NAF1: variants seen among roughly 807,000 people sequenced by gnomAD.
NAF1 encodes H/ACA ribonucleoprotein complex non-core subunit NAF1.
In NAF1, 11 loss-of-function variants were observed where a neutral mutation model predicts 40.6. The observed-to-expected ratio is 0.27, with a 90% CI of 0.17 to 0.45. NAF1 has a LOEUF of 0.45. Ranked by LOEUF, NAF1 falls within the 20% of genes least tolerant of loss-of-function variation. The pLI, the probability that NAF1 is intolerant of heterozygous loss-of-function variation, is 1.00. For missense variants in NAF1, 607 were observed against 611.1 expected (o/e 0.99, Z 0.07); for synonymous variants, 260 against 228.5 (o/e 1.14, Z -1.24).
chr4:163,163,070 A>G (rs1403815322), intron 2 of NAF1, among the ~76,000 whole-genome samples: 1 of 152,222 alleles, frequency 6.6e-6, no homozygotes, highest in Non-Finnish European at 1.5e-5. Flanking sequence ...TCGTTATTAT[A>G]TTCTAATAAG....
intron 2 of NAF1, among the ~76,000 whole-genome samples, chr4:163,148,996 C>A (rs956299431): frequency 6.6e-6 from 1 of 152,100 alleles, no homozygotes; most frequent in African/African-American, 2.4e-5. Context: ...AGAATATAGG[C>A]TTTAGCCTAT....
At chr4:163,165,872 G>A (rs896317863) in intron 1 of NAF1, among the ~76,000 whole-genome samples, 1 of 151,900 alleles carries the variant, frequency 6.6e-6, no homozygotes, top group African/African-American at 2.4e-5. Flanking sequence ...TCCCTGCAAG[G>A]ATTCTATAAA....
intron 2 of NAF1, among the ~76,000 whole-genome samples, chr4:163,152,578 G>A (rs970472089): frequency 5.3e-5 from 8 of 152,216 alleles, no homozygotes; most frequent in African/African-American, 1.4e-4. Context: ...CTGATTTTGC[G>A]TAGAACCAAA....
downstream of NAF1, among the ~76,000 whole-genome samples, chr4:163,107,446 G>A (rs867151647): frequency 2.0e-5 from 3 of 152,176 alleles, no homozygotes; most frequent in Non-Finnish European, 2.9e-5. Context: ...CTGTGCTCTC[G>A]CTGTGCAATT....
At chr4:163,150,837 C>T (rs1731670928) in intron 2 of NAF1, among the ~76,000 whole-genome samples, 1 of 152,086 alleles carries the variant, frequency 6.6e-6, no homozygotes, top group Non-Finnish European at 1.5e-5. Context: ...TTGACAGTTA[C>T]TGCTAAATTT....
chr4:163,122,109 G>C (rs1224098651), downstream of NAF1, among the ~76,000 whole-genome samples: 1 of 152,148 alleles, frequency 6.6e-6, no homozygotes, highest in Non-Finnish European at 1.5e-5. Flanking sequence ...CATTATATTT[G>C]AGACTCTATG....
downstream of NAF1, among the ~76,000 whole-genome samples, chr4:163,122,556 T>C (rs1730546041): frequency 1.3e-5 from 2 of 152,204 alleles, no homozygotes; most frequent in Non-Finnish European, 2.9e-5. Flanking sequence ...AACTGATACA[T>C]TTTGGAATTT....
intron 2 of NAF1, among the ~76,000 whole-genome samples, chr4:163,115,217 T>A (rs1369622283): frequency 7.0e-6 from 1 of 142,462 alleles, no homozygotes; most frequent in Admixed American, 7.0e-5. Context: ...ATTTATTTTT[T>A]TTTTTTTTTG....
intron 2 of NAF1, among the ~76,000 whole-genome samples, 185 bp downstream of exon 2, chr4:163,164,032 C>A (rs2111066845): frequency 6.6e-6 from 1 of 152,148 alleles, no homozygotes; most frequent in South Asian, 2.1e-4. Flanking sequence ...TAGAAGCAAC[C>A]TAAGAAATTA....
intron 1 of NAF1, among the ~76,000 whole-genome samples, chr4:163,165,626 T>C (rs1370893630): frequency 1.3e-5 from 2 of 152,064 alleles, no homozygotes; most frequent in Non-Finnish European, 2.9e-5. Context: ...ACTTCTCACC[T>C]CCTCAACACG....
intron 2 of NAF1, among the ~76,000 whole-genome samples, chr4:163,153,620 GGT>G (rs1287922465): frequency 6.6e-6 from 1 of 152,138 alleles, no homozygotes; most frequent in Non-Finnish European, 1.5e-5. Flanking sequence ...TTGGAGAACT[GGT>G]GTGTCAAAAC....
chr4:163,149,471 T>C (rs1281960473), intron 2 of NAF1, among the ~76,000 whole-genome samples: 1 of 152,152 alleles, frequency 6.6e-6, no homozygotes, highest in Non-Finnish European at 1.5e-5. Context: ...TAAGCAGACA[T>C]CTAAAATACA....
chr4:163,141,978 T>C, intron 4 of NAF1: 1 of 944,202 alleles, frequency 1.1e-6, no homozygotes, highest in Non-Finnish European at 1.3e-6. Context: ...TAAAAAGAAG[T>C]AGTGACATTA....
downstream of NAF1, chr4:163,126,982 T>C (rs369368753): frequency 1.5e-5 from 23 of 1,550,410 alleles, no homozygotes; most frequent in Non-Finnish European, 1.9e-5. Flanking sequence ...CACAATGCTA[T>C]TGCATACTTA....
intron 1 of NAF1, among the ~76,000 whole-genome samples, chr4:163,166,074 G>T (rs1560812829): frequency 6.6e-6 from 1 of 152,102 alleles, no homozygotes; most frequent in African/African-American, 2.4e-5. Flanking sequence ...AGATCCTCGG[G>T]TTTTCTAAAG....
At chr4:163,132,769 A>G (rs890651016) in intron 7 of NAF1, among the ~76,000 whole-genome samples, 1 of 152,256 alleles carries the variant, frequency 6.6e-6, no homozygotes, top group African/African-American at 2.4e-5. Flanking sequence ...TTACAACTGT[A>G]TGTGAATCTA....
At chr4:163,104,434 T>C in the NAF1 span, among the ~76,000 whole-genome samples, 28 of 152,208 alleles carry the variant, frequency 1.8e-4, no homozygotes, top group Non-Finnish European at 3.7e-4. Flanking sequence ...TGAAAAAAGA[T>C]ACTTTGTAAA....
intron 2 of NAF1, chr4:163,110,439 T>C: frequency 3.3e-6 from 2 of 604,828 alleles, no homozygotes; most frequent in African/African-American, 1.8e-5. Flanking sequence ...TTAATCTTTA[T>C]CATAGGTATG....
At chr4:163,154,629 T>C (rs984052016) in intron 2 of NAF1, among the ~76,000 whole-genome samples, 1 of 152,086 alleles carries the variant, frequency 6.6e-6, no homozygotes, top group African/African-American at 2.4e-5. Context: ...TCCCAGCACT[T>C]TGGGAGGCCA....
Sources: gnomAD v4.1 joint callset for allele counts (sites outside exome capture counted in the v4.1 genomes callset) on GRCh38, gnomAD v4.1.1 for gene constraint, MANE v1.5 for transcripts, NCBI Gene and HGNC (gene_info 2026-07-23, HGNC 2026-07-21) for gene names.